PHKB: variants seen among roughly 807,000 people sequenced by gnomAD.
PHKB encodes the protein phosphorylase kinase regulatory subunit beta, also known as phosphorylase b kinase regulatory subunit beta.
In PHKB, 122 loss-of-function variants were observed where a neutral mutation model predicts 152.1. The observed-to-expected ratio is 0.80, with a 90% CI of 0.69 to 0.93. The LOEUF (loss-of-function observed/expected upper bound fraction) is 0.93, where lower values mean the gene tolerates loss of function less well. PHKB is among the 40% of genes least tolerant of loss of function. The pLI is 0.00. For synonymous variants in PHKB, 436 were observed against 464.9 expected, an observed-to-expected ratio of 0.94 and a Z score of 0.80; for missense variants, 1,304 against 1,328.4, an observed-to-expected ratio of 0.98 and a Z score of 0.29.
chr16:47,660,792 C>T lies in PHKB; in HGVS notation c.2169C>T (p.Pro723=), dbSNP rs1973429804. 1 of 1,613,994 alleles carries T rather than the reference C, an allele frequency of 6.2e-7. No homozygotes were observed. The highest frequency in any genetic ancestry group is 8.5e-7 in the Non-Finnish European group (1 of 1,179,940). The change falls in exon 22 of 31, where the codon CCC becomes CCT. Residue 723 remains proline, a synonymous_variant. Transcript: ENST00000323584. The stretch of plus-strand genomic sequence containing the variant: ...ACATTAGTGAATGGAAGGACAAACC[C>T]ACCCACGAAATTCTTCAAAAACTGA... ...DVNISEWKDK[P]THEILQKLND...
chr16:47,545,320 A>T (rs542842289), intron 6 of PHKB, among the ~76,000 whole-genome samples: 3 of 152,196 alleles, frequency 2.0e-5, no homozygotes, highest in Admixed American at 6.5e-5. Flanking sequence ...TTTGCTTGTC[A>T]GTAAAGGATT....
At chr16:47,475,334 A>G (rs1392888150) in intron 1 of PHKB, among the ~76,000 whole-genome samples, 1 of 152,218 alleles carries the variant, frequency 6.6e-6, no homozygotes, top group East Asian at 1.9e-4. Context: ...AAGTTCTAGC[A>G]TGCTTTTTCT....
intron 7 of PHKB, among the ~76,000 whole-genome samples, chr16:47,579,358 G>C (rs987024877): frequency 6.6e-5 from 10 of 152,090 alleles, no homozygotes; most frequent in African/African-American, 2.4e-4. Context: ...CACCTGGAAG[G>C]CTTTTTAACA....
At chr16:47,630,112 C>T (rs1369279792) in intron 14 of PHKB, among the ~76,000 whole-genome samples, 3 of 152,000 alleles carry the variant, frequency 2.0e-5, no homozygotes, top group Admixed American at 6.5e-5. Context: ...CAGCAAGGCA[C>T]ATGTATACAT....
At chr16:47,635,170 C>T (rs1236939797) in intron 14 of PHKB, among the ~76,000 whole-genome samples, 1 of 152,098 alleles carries the variant, frequency 6.6e-6, no homozygotes, top group Non-Finnish European at 1.5e-5. Flanking sequence ...AGCAGCACGT[C>T]ACAGAGGCAT....
chr16:47,470,806 G>T (rs1969753087), intron 1 of PHKB, among the ~76,000 whole-genome samples: 2 of 152,218 alleles, frequency 1.3e-5, no homozygotes, highest in South Asian at 2.1e-4. Context: ...CTAATTAACT[G>T]ATGTTTATTG....
At chr16:47,511,938 G>A (rs901215508) in intron 5 of PHKB, among the ~76,000 whole-genome samples, 166 bp downstream of exon 5, 3 of 152,132 alleles carry the variant, frequency 2.0e-5, no homozygotes, top group African/African-American at 7.2e-5. Flanking sequence ...ATATCATCAG[G>A]CATTAGATTC....
rs1243574468 is a variant in PHKB, at chr16:47,593,551, A to G, written c.1120A>G (p.Ile374Val). The stretch of plus-strand genomic sequence containing the variant: ...TCCCATATTTTTCCTTTATATGATG[A>G]TTGATGGTAAGTAAGCTTTTTCCTG... ...EFPIFFLYMM[I>V]DGVFRGNPKQ... is the part of the protein sequence containing the mutation. Residue 374 changes from isoleucine to valine, a missense_variant, in exon 11 of 31, where the codon ATT becomes GTT. Coordinates refer to ENST00000323584, the MANE Select transcript of PHKB (RefSeq NM_000293.3). 10 of 1,485,412 alleles carry G rather than the reference A, an allele frequency of 6.7e-6. No homozygotes were observed. The East Asian group carries it at 9.0e-5, about 13-fold the overall frequency. 92.0% of individuals were successfully genotyped at this position (1,485,412 alleles called of 1,614,324 possible). A position where few individuals can be genotyped will look rare whatever the true frequency, so the allele number is the denominator to read the frequency against.
intron 14 of PHKB, among the ~76,000 whole-genome samples, chr16:47,612,535 G>T (rs1196196030): frequency 6.6e-6 from 1 of 152,194 alleles, no homozygotes; most frequent in Non-Finnish European, 1.5e-5. Flanking sequence ...ATTTTAAAGA[G>T]AATTCACTCT....
intron 1 of PHKB, among the ~76,000 whole-genome samples, chr16:47,491,058 A>G (rs918241844): frequency 6.6e-6 from 1 of 152,172 alleles, no homozygotes; most frequent in Non-Finnish European, 1.5e-5. Flanking sequence ...ATGTAAATCT[A>G]TTTCCAGTAG....
chr16:47,665,910 A>G, intron 25 of PHKB: 1 of 1,499,478 alleles, frequency 6.7e-7, no homozygotes, highest in East Asian at 2.3e-5. Context: ...TAGATTTGTG[A>G]ACATCTGGCC....
At chr16:47,543,079 A>T (rs1446379750) in intron 6 of PHKB, among the ~76,000 whole-genome samples, 2 of 152,266 alleles carry the variant, frequency 1.3e-5, no homozygotes, top group East Asian at 3.9e-4. Context: ...GTCTTGTGCC[A>T]GTTTTCAAAG....
rs1227113387 is a variant in PHKB at position 47,506,730 on chromosome 16, T to C, written c.405+3640T>C. ...GTTTAAGGCAGGGGTTTCCAATCTT[T>C]TGGCTTCCCTGGGCCATATGGGAAG... On this transcript the variant is annotated intron_variant, in intron 4 of 30. Transcript: ENST00000323584. Among the ~76,000 whole-genome samples, 4 of 152,182 alleles carry C rather than the reference T, an allele frequency of 2.6e-5. No homozygotes were observed. In the East Asian group the frequency reaches 7.7e-4, roughly 29 times the overall value.
rs1027594605 is a variant in PHKB, at chr16:47,700,687, G to A, written c.*1321G>A. The stretch of plus-strand genomic sequence containing the variant: ...AAATAGAAAAAAAAAAGGCCCATGA[G>A]TTTGAGCCCTTGCCCCAAAGAGAGT... On this transcript the variant is annotated 3_prime_UTR_variant, in exon 31 of 31. Coordinates refer to ENST00000323584, the MANE Select transcript of PHKB (RefSeq NM_000293.3). 2 of 151,918 alleles carry A rather than the reference G, an allele frequency of 1.3e-5. No individual in the cohort carries two copies. The highest frequency in any genetic ancestry group is 4.2e-4 in the South Asian group (2 of 4,804). The allele number at this position is 151,918 out of a possible 1,614,324, so 9.4% of individuals were successfully genotyped here.
chr16:47,647,524 G>T (rs1258490223), intron 16 of PHKB, among the ~76,000 whole-genome samples: 2 of 149,712 alleles, frequency 1.3e-5, no homozygotes, highest in African/African-American at 2.5e-5. Flanking sequence ...TTGAGACGGA[G>T]TCTCGCTCTG....
Position 47,567,541 on chromosome 16 carries a change from C to T in PHKB, c.711-12754C>T, listed in dbSNP as rs117985774. On this transcript the variant is annotated intron_variant, in intron 7 of 30. Transcript: ENST00000323584. ...CATGCCCTTTATTTCTGTCTTTTGCCTGATTGCTCTGGCTAGGACTTCCAG... is the reference window on the plus strand; with the variant it reads ...CATGCCCTTTATTTCTGTCTTTTGCTTGATTGCTCTGGCTAGGACTTCCAG... Among the ~76,000 whole-genome samples the T allele has an allele frequency of 5.8e-4, 88 of 152,120 alleles. No individual in the cohort carries two copies. In the East Asian group the frequency reaches 0.016, roughly 28 times the overall value.
intron 12 of PHKB, among the ~76,000 whole-genome samples, chr16:47,594,451 T>C (rs765420101): frequency 6.6e-6 from 1 of 152,180 alleles, no homozygotes; most frequent in Non-Finnish European, 1.5e-5. Context: ...CCTTCATCTG[T>C]TATTTACTAT....
chr16:47,494,739 T>A (rs973153638), intron 1 of PHKB, among the ~76,000 whole-genome samples: 5 of 152,256 alleles, frequency 3.3e-5, no homozygotes, highest in Non-Finnish European at 5.9e-5. Flanking sequence ...TAGAATTTTC[T>A]GTTATTTTGT....
At chr16:47,461,973 G>A (rs555262190) in intron 1 of PHKB, 1 of 154,964 alleles carries the variant, frequency 6.5e-6, no homozygotes, top group East Asian at 1.9e-4. Flanking sequence ...AGATATTGAA[G>A]AGTATAGTTA....
Sources: allele counts gnomAD v4.1 joint callset (sites outside exome capture counted in the v4.1 genomes callset), GRCh38; gene constraint gnomAD v4.1.1; transcripts MANE v1.5; gene names NCBI Gene and HGNC (gene_info 2026-07-23, HGNC 2026-07-21).